CREB5: variants seen among roughly 807,000 people sequenced by gnomAD.
The protein encoded by CREB5 is cAMP responsive element binding protein 5.
Under a neutral mutation model 57.1 loss-of-function variants are expected in CREB5, and 19 were observed. That is an observed-to-expected ratio of 0.33 (90% confidence interval 0.23 to 0.49). The LOEUF is 0.49. Ranked by LOEUF, CREB5 falls within the 20% of genes least tolerant of loss-of-function variation. The probability of loss-of-function intolerance (pLI) is 0.99; values close to 1 mark genes in which losing one functional copy is unlikely to be tolerated. For synonymous variants in CREB5, 238 were observed against 238.3 expected (o/e 1.00, Z 0.01); for missense variants, 579 against 671.6 (o/e 0.86, Z 1.52).
intron 4 of CREB5, among the ~76,000 whole-genome samples, chr7:28,519,198 T>C (rs1436663812): frequency 6.6e-6 from 1 of 152,206 alleles, no homozygotes; most frequent in Non-Finnish European, 1.5e-5. Flanking sequence ...AAGGAAATAA[T>C]TCCTTGATCC....
chr7:28,584,413 G>A (rs534354423), intron 5 of CREB5, among the ~76,000 whole-genome samples: 1 of 152,298 alleles, frequency 6.6e-6, no homozygotes, highest in Non-Finnish European at 1.5e-5. Flanking sequence ...AATCCAATGA[G>A]TGGTGTCCTT....
rs12538892 is a variant in CREB5, at chr7:28,808,907, G to A, written c.1027-280G>A. Among the ~76,000 whole-genome samples the A allele has an allele frequency of 0.31, 46,384 of 151,638 alleles. 7,806 individuals carry two copies. Among genetic ancestry groups the A allele is most frequent in the African/African-American group, 0.45 (18,785 of 41,302 alleles). Reference sequence around the variant, plus strand: ...ATAAATGTTTCCTCTACCATGATTCGGCCAAATGCCTGTCAGGGAAAAATC... The same window carrying A: ...ATAAATGTTTCCTCTACCATGATTCAGCCAAATGCCTGTCAGGGAAAAATC... On this transcript the variant is annotated intron_variant, in intron 8 of 10. Transcript: ENST00000357727.
chr7:28,777,165 A>G (rs188104039), intron 7 of CREB5, among the ~76,000 whole-genome samples: 83 of 152,374 alleles, frequency 5.4e-4, no homozygotes, highest in Non-Finnish European at 9.0e-4. Context: ...GTAGATTCTT[A>G]CAAGGAACTC....
At chr7:28,398,313 T>G (rs1263263915) in intron 1 of CREB5, among the ~76,000 whole-genome samples, 1 of 152,198 alleles carries the variant, frequency 6.6e-6, no homozygotes, top group African/African-American at 2.4e-5. Flanking sequence ...CATAGAATAG[T>G]TCCAGAATAA....
chr7:28,579,865 A>G (rs1331939227), intron 5 of CREB5, among the ~76,000 whole-genome samples: 1 of 152,216 alleles, frequency 6.6e-6, no homozygotes. Context: ...CTTAGAATCT[A>G]TAGGGGCAGG....
chr7:28,744,673 T>C (rs1804596565), intron 7 of CREB5, among the ~76,000 whole-genome samples: 2 of 152,168 alleles, frequency 1.3e-5, no homozygotes, highest in South Asian at 4.1e-4. Context: ...TTAAATGTCC[T>C]GTCTCCAAAT....
At chr7:28,613,247 G>T (rs1207357715) in intron 5 of CREB5, among the ~76,000 whole-genome samples, 3 of 152,176 alleles carry the variant, frequency 2.0e-5, no homozygotes, top group East Asian at 3.8e-4. Context: ...TATTCGCATT[G>T]CAAATGTGTG....
chr7:28,732,585 C>T (rs1803710306), intron 7 of CREB5, among the ~76,000 whole-genome samples: 2 of 152,196 alleles, frequency 1.3e-5, no homozygotes, highest in Admixed American at 6.5e-5. Flanking sequence ...AATCTTGTTA[C>T]AGGGAAGTTC....
At chr7:28,311,537 T>C (rs1355697644) in intron 1 of CREB5, among the ~76,000 whole-genome samples, 1 of 152,256 alleles carries the variant, frequency 6.6e-6, no homozygotes, top group Non-Finnish European at 1.5e-5. Flanking sequence ...TTTTCGGTCC[T>C]ACACAATGTA....
chr7:28,369,228 T>G (rs1249356786), intron 1 of CREB5, among the ~76,000 whole-genome samples: 1 of 152,138 alleles, frequency 6.6e-6, no homozygotes, highest in African/African-American at 2.4e-5. Context: ...ACGCAGAAAT[T>G]TTTACTGTTT....
intron 5 of CREB5, among the ~76,000 whole-genome samples, chr7:28,695,991 T>C (rs939304233): frequency 1.3e-5 from 2 of 152,234 alleles, no homozygotes; most frequent in Non-Finnish European, 2.9e-5. Flanking sequence ...TGACTTTGCA[T>C]CCTTTCCCAT....
intron 1 of CREB5, among the ~76,000 whole-genome samples, chr7:28,413,585 C>T (rs907409114): frequency 6.6e-6 from 1 of 152,052 alleles, no homozygotes; most frequent in African/African-American, 2.4e-5. Flanking sequence ...TCTCCAAGCC[C>T]ACTATTTTTA....
chr7:28,358,386 C>T (rs1018605414), intron 1 of CREB5, among the ~76,000 whole-genome samples: 4 of 152,218 alleles, frequency 2.6e-5, no homozygotes, highest in Non-Finnish European at 5.9e-5. Flanking sequence ...GTCTCTGGGA[C>T]TTGACACGGC....
At chr7:28,671,035 G>A (rs988507455) in intron 5 of CREB5, among the ~76,000 whole-genome samples, 4 of 152,010 alleles carry the variant, frequency 2.6e-5, no homozygotes, top group South Asian at 2.1e-4. Context: ...AGGCTGAGGC[G>A]GGAGGATCGC....
At chr7:28,702,193 T>G (rs1255678226) in intron 5 of CREB5, among the ~76,000 whole-genome samples, 2 of 152,186 alleles carry the variant, frequency 1.3e-5, no homozygotes, top group Non-Finnish European at 2.9e-5. Flanking sequence ...TTAAAGAGGT[T>G]TGTTTGGCAT....
chr7:28,361,833 G>C (rs962034946), intron 1 of CREB5, among the ~76,000 whole-genome samples: 9 of 152,138 alleles, frequency 5.9e-5, no homozygotes, highest in Admixed American at 1.3e-4. Flanking sequence ...TTTGGTAGAG[G>C]GGCTGGGGAT....
chr7:28,424,643 C>T (rs1288038099), intron 1 of CREB5, among the ~76,000 whole-genome samples: 6 of 152,178 alleles, frequency 3.9e-5, no homozygotes, highest in Non-Finnish European at 7.3e-5. Context: ...AAAAGAGCAA[C>T]GCTGAAAGGT....
Position 28,596,257 on chromosome 7 carries a change from C to T in CREB5, c.464+25720C>T, listed in dbSNP as rs150791834. Among the ~76,000 whole-genome samples the T allele has an allele frequency of 2.9e-3, 440 of 152,302 alleles. 3 individuals carry two copies. Among genetic ancestry groups the T allele is most frequent in the Middle Eastern group, 6.8e-3 (2 of 294 alleles). ...TTACTAAATATTTGAGCAGTCCGGT[C>T]AGCATCAAAGTCAGAGAAGCTCTAA... is the stretch of plus-strand genomic sequence containing the variant. On this transcript the variant is annotated intron_variant, in intron 5 of 10. Transcript: ENST00000357727.
chr7:28,808,979 C>T (rs113843359), intron 8 of CREB5, among the ~76,000 whole-genome samples: 197 of 152,314 alleles, frequency 1.3e-3, no homozygotes, highest in African/African-American at 4.5e-3. Context: ...CTTGCCAACA[C>T]ATCATAGAAT....
Sources: gnomAD v4.1 joint callset for allele counts (sites outside exome capture counted in the v4.1 genomes callset) on GRCh38, gnomAD v4.1.1 for gene constraint, MANE v1.5 for transcripts, NCBI Gene and HGNC (gene_info 2026-07-23, HGNC 2026-07-21) for gene names.